SLC15A5: variants seen among roughly 807,000 people sequenced by gnomAD.
The protein encoded by SLC15A5 is solute carrier family 15 member 5.
SLC15A5 carries 58 observed loss-of-function variants against 56.1 expected under a neutral mutation model. That is an observed-to-expected ratio of 1.03 (90% CI 0.84 to 1.29). SLC15A5 has a LOEUF of 1.29. SLC15A5 is among the 50% of genes most tolerant of loss of function. The pLI is 0.00. For missense variants in SLC15A5, 681 were observed against 672.1 expected, an observed-to-expected ratio of 1.01 and a Z score of -0.15; for synonymous variants, 264 against 250.5, an observed-to-expected ratio of 1.05 and a Z score of -0.51.
At chr12:16,250,735 A>AG (rs1400907170) in intron 3 of SLC15A5, among the ~76,000 whole-genome samples, 1 of 152,018 alleles carries the variant, frequency 6.6e-6, no homozygotes, top group East Asian at 1.9e-4. Context: ...TAATTTATGA[A>AG]GGGGTCAGAG....
At chr12:16,245,453 C>G (rs1483486451) in intron 3 of SLC15A5, among the ~76,000 whole-genome samples, 1 of 152,182 alleles carries the variant, frequency 6.6e-6, no homozygotes, top group Non-Finnish European at 1.5e-5. Context: ...ATCAGAAGCG[C>G]TTTATTGCTT....
At chr12:16,223,536 C>G (rs140227065) in intron 6 of SLC15A5, among the ~76,000 whole-genome samples, 2 of 151,876 alleles carry the variant, frequency 1.3e-5, no homozygotes, top group Non-Finnish European at 2.9e-5. Context: ...ATTCAGAAAC[C>G]CTTGATATTT....
intron 7 of SLC15A5, among the ~76,000 whole-genome samples, chr12:16,206,706 C>T (rs974453146): frequency 6.6e-6 from 1 of 152,202 alleles, no homozygotes; most frequent in Non-Finnish European, 1.5e-5. Context: ...ATACTTTGCT[C>T]TAGATAATAA....
At chr12:16,200,834 A>G (rs569928232) in intron 7 of SLC15A5, among the ~76,000 whole-genome samples, 64 of 152,288 alleles carry the variant, frequency 4.2e-4, no homozygotes, top group Admixed American at 2.9e-3. Flanking sequence ...CAAGACAAAA[A>G]AATTAGGAAA....
intron 5 of SLC15A5, among the ~76,000 whole-genome samples, chr12:16,234,918 A>G (rs1388104860): frequency 6.6e-6 from 1 of 152,122 alleles, no homozygotes; most frequent in African/African-American, 2.4e-5. Context: ...ATGGGTTTCT[A>G]TGTGTAGTGT....
chr12:16,275,187 G>A (rs1864803711), intron 1 of SLC15A5, among the ~76,000 whole-genome samples: 1 of 152,050 alleles, frequency 6.6e-6, no homozygotes. Flanking sequence ...ACACTATTTG[G>A]TTCTTGAAAG....
chr12:16,195,571 C>T (rs1288109252), intron 7 of SLC15A5, among the ~76,000 whole-genome samples: 1 of 151,986 alleles, frequency 6.6e-6, no homozygotes, highest in Non-Finnish European at 1.5e-5. Context: ...AAGGTTTCAT[C>T]ATTTCCTTGC....
chr12:16,246,462 TG>T (rs890073632), intron 3 of SLC15A5, among the ~76,000 whole-genome samples: 41 of 152,230 alleles, frequency 2.7e-4, no homozygotes, highest in Non-Finnish European at 4.7e-4. Context: ...AAGCCTGGGC[TG>T]GGTGGCTTAA....
At chr12:16,236,537 T>C (rs1864353757) in intron 5 of SLC15A5, among the ~76,000 whole-genome samples, 1 of 152,218 alleles carries the variant, frequency 6.6e-6, no homozygotes. Flanking sequence ...ACCTTTGTTA[T>C]TGCATTGTTT....
intron 7 of SLC15A5, among the ~76,000 whole-genome samples, chr12:16,211,366 A>G (rs1383652681): frequency 6.6e-6 from 1 of 152,150 alleles, no homozygotes; most frequent in Non-Finnish European, 1.5e-5. Context: ...AGGAGATCTC[A>G]TTTTTAATTT....
At chr12:16,216,636 TA>T (rs1298885831) in intron 7 of SLC15A5, among the ~76,000 whole-genome samples, 1 of 152,154 alleles carries the variant, frequency 6.6e-6, no homozygotes, top group Non-Finnish European at 1.5e-5. Context: ...AATAAGAATA[TA>T]ATGACCAGTT....
intron 8 of SLC15A5, among the ~76,000 whole-genome samples, chr12:16,192,785 G>A (rs976829038): frequency 1.3e-5 from 2 of 152,046 alleles, no homozygotes; most frequent in African/African-American, 2.4e-5. Flanking sequence ...GAAGAAGAGA[G>A]CATATGGCTA....
At chr12:16,210,317 G>A (rs1200666591) in intron 7 of SLC15A5, among the ~76,000 whole-genome samples, 6 of 150,768 alleles carry the variant, frequency 4.0e-5, no homozygotes, top group Non-Finnish European at 5.9e-5. Context: ...ACATGGGTCC[G>A]TGAGGCCAAG....
Position 16,189,466 on chromosome 12 carries a change from C to G in SLC15A5, c.*202G>C, listed in dbSNP as rs1427332962. 1 of 375,288 alleles carries G rather than the reference C, an allele frequency of 2.7e-6. No homozygotes were observed. The highest frequency in any genetic ancestry group is 4.5e-6 in the Non-Finnish European group (1 of 220,618). The allele number at this position is 375,288 out of a possible 1,614,324, so 23.2% of individuals were successfully genotyped here. ...AGACTTTGAAATTATTTTATTAATTCTAATGCTATAACATGTTAATGCAAA... is the reference window on the plus strand; with the variant it reads ...AGACTTTGAAATTATTTTATTAATTGTAATGCTATAACATGTTAATGCAAA... On this transcript the variant is annotated 3_prime_UTR_variant, in exon 9 of 9. Coordinates refer to ENST00000344941, the MANE Select transcript of SLC15A5 (RefSeq NM_001170798.1).
intron 7 of SLC15A5, among the ~76,000 whole-genome samples, chr12:16,211,172 A>C (rs1407205089): frequency 6.6e-6 from 1 of 152,216 alleles, no homozygotes; most frequent in East Asian, 1.9e-4. Context: ...GAATTTGAGG[A>C]AGCGTATCTC....
chr12:16,243,629 G>T lies in SLC15A5; in HGVS notation c.975+951C>A, dbSNP rs1308263306. 2.0e-5 allele frequency among the ~76,000 whole-genome samples: 3 copies of T among 151,924 alleles called. No individual in the cohort carries two copies. Among genetic ancestry groups the T allele is most frequent in the African/African-American group, 7.3e-5 (3 of 41,314 alleles). On this transcript the variant is annotated intron_variant, in intron 4 of 8. Coordinates refer to ENST00000344941, the MANE Select transcript of SLC15A5 (RefSeq NM_001170798.1). The surrounding 1 kb of genome is among the most constrained non-coding windows in gnomAD (Gnocchi z 4.4). ...TGTACAAAAATAGTGGACTGGATTT[G>T]GCCTTCAGATAGTGGATGGCTAACC...
intron 1 of SLC15A5, among the ~76,000 whole-genome samples, chr12:16,274,500 T>G (rs1012123090): frequency 2.6e-5 from 4 of 152,140 alleles, no homozygotes; most frequent in African/African-American, 9.6e-5. Context: ...AAAAATTTGG[T>G]CTAATGCTTC....
chr12:16,225,956 C>G (rs537252381), intron 5 of SLC15A5, among the ~76,000 whole-genome samples: 1 of 152,132 alleles, frequency 6.6e-6, no homozygotes, highest in Non-Finnish European at 1.5e-5. Context: ...CATATAGAAC[C>G]TCAGGCCAGT....
intron 6 of SLC15A5, among the ~76,000 whole-genome samples, chr12:16,222,183 C>G (rs1185524239): frequency 6.6e-6 from 1 of 152,142 alleles, no homozygotes; most frequent in African/African-American, 2.4e-5. Flanking sequence ...AAATCTTCCA[C>G]TTAGTCCTTT....
Sources: allele counts gnomAD v4.1 joint callset (sites outside exome capture counted in the v4.1 genomes callset), GRCh38; gene constraint gnomAD v4.1.1; non-coding constraint Gnocchi (gnomAD v3.1); transcripts MANE v1.5; gene names NCBI Gene and HGNC (gene_info 2026-07-23, HGNC 2026-07-21).